The following ZDHHC17 variants were observed in gnomAD, a reference collection of about 807,000 sequenced individuals.
The protein encoded by ZDHHC17 is palmitoyltransferase ZDHHC17.
ZDHHC17 carries 40 observed loss-of-function variants against 90.3 expected under a neutral mutation model. That is an observed-to-expected ratio of 0.44 (90% CI 0.34 to 0.58). The LOEUF is 0.58. Among genes scored for constraint, ZDHHC17 ranks in the 20% least tolerant of loss-of-function variants. The pLI, the probability that ZDHHC17 is intolerant of heterozygous loss-of-function variation, is 0.01. For missense variants in ZDHHC17, 614 were observed against 780.8 expected, an observed-to-expected ratio of 0.79 and a Z score of 2.55; for synonymous variants, 235 against 252.4, an observed-to-expected ratio of 0.93 and a Z score of 0.65.
chr12:76,769,776 T>C (rs1952472696), intron 1 of ZDHHC17, among the ~76,000 whole-genome samples: 1 of 152,194 alleles, frequency 6.6e-6, no homozygotes, highest in Non-Finnish European at 1.5e-5. Context: ...AGTCAATAGA[T>C]ATAAAATTAA....
At chr12:76,813,040 T>G (rs1286781576) in intron 5 of ZDHHC17, among the ~76,000 whole-genome samples, 1 of 152,150 alleles carries the variant, frequency 6.6e-6, no homozygotes, top group East Asian at 1.9e-4. Flanking sequence ...AATTTCATTT[T>G]TCTTTTAGTA....
At chr12:76,842,433 G>A (rs1953446242) in intron 11 of ZDHHC17, among the ~76,000 whole-genome samples, 3 of 152,140 alleles carry the variant, frequency 2.0e-5, no homozygotes, top group African/African-American at 7.2e-5. Context: ...GAATGACTAT[G>A]TAAACTAGAA....
chr12:76,828,964 G>A (rs1197779783), intron 10 of ZDHHC17, among the ~76,000 whole-genome samples: 2 of 152,214 alleles, frequency 1.3e-5, no homozygotes, highest in Admixed American at 6.5e-5. Flanking sequence ...GTGGCCAAAC[G>A]TGAAAAAATG....
chr12:76,831,818 C>T (rs565157670), intron 10 of ZDHHC17, among the ~76,000 whole-genome samples: 185 of 152,124 alleles, frequency 1.2e-3, no homozygotes, highest in African/African-American at 4.2e-3. Context: ...GGCTAATTTG[C>T]GTATTTTTGT....
At chr12:76,842,270 T>G (rs968120035) in intron 11 of ZDHHC17, among the ~76,000 whole-genome samples, 164 bp downstream of exon 11, 1 of 152,218 alleles carries the variant, frequency 6.6e-6, no homozygotes, top group African/African-American at 2.4e-5. Context: ...TTGGTGCTCT[T>G]GTGATGCCTG....
rs1328539436 is a variant in ZDHHC17 at position 76,815,218 on chromosome 12, A to G, written c.608+8A>G. ...AGCATATAGAACACATAGGTATGTA[A>G]TGACTATAAAAAACTTATTTAGGCC... On this transcript the variant is annotated splice_region_variant and intron_variant, in intron 6 of 16. Transcript: ENST00000426126. 2 of 1,542,680 alleles carry G rather than the reference A, an allele frequency of 1.3e-6. No individual in the cohort carries two copies. The highest frequency in any genetic ancestry group is 2.5e-5 in the South Asian group (2 of 81,468).
intron 5 of ZDHHC17, among the ~76,000 whole-genome samples, chr12:76,813,749 T>G (rs745698792): frequency 1.3e-5 from 2 of 152,232 alleles, no homozygotes; most frequent in Middle Eastern, 6.8e-3. Context: ...TTAATATTTA[T>G]TGAATATCCA....
Position 76,764,136 on chromosome 12 carries a change from G to A in ZDHHC17, c.-101G>A. Reference sequence around the variant, plus strand: ...GGGCGTCACGGGGGCAGGAGAAGAAGGAGGAGGAGGCCCGCGTCGCCTCCG... The same window carrying A: ...GGGCGTCACGGGGGCAGGAGAAGAAAGAGGAGGAGGCCCGCGTCGCCTCCG... On this transcript the variant is annotated 5_prime_UTR_variant, in exon 1 of 17. Coordinates refer to ENST00000426126, the MANE Select transcript of ZDHHC17 (RefSeq NM_015336.4). The A allele has an allele frequency of 6.7e-6, 6 of 896,768 alleles. No homozygotes were observed. The highest frequency in any genetic ancestry group is 1.0e-5 in the Non-Finnish European group (6 of 596,470). The allele number at this position is 896,768 out of a possible 1,614,324, so 55.6% of individuals were successfully genotyped here.
intron 1 of ZDHHC17, among the ~76,000 whole-genome samples, chr12:76,783,245 A>C (rs554558252): frequency 4.4e-4 from 67 of 152,346 alleles, no homozygotes; most frequent in Non-Finnish European, 8.4e-4. Flanking sequence ...CTGTTTTCAC[A>C]CTGCTATAAA....
chr12:76,816,132 G>T, intron 7 of ZDHHC17, 113 bp downstream of exon 7: 2 of 809,172 alleles, frequency 2.5e-6, no homozygotes, highest in Non-Finnish European at 3.5e-6. Context: ...CTTCAATACA[G>T]GTTTACAGTT....
intron 2 of ZDHHC17, 71 bp from the exon 3 acceptor site, chr12:76,805,246 C>T: frequency 3.7e-6 from 5 of 1,337,980 alleles, no homozygotes; most frequent in Non-Finnish European, 3.1e-6. Context: ...TTATTTTCAT[C>T]TCAAAATGTT....
At chr12:76,833,324 T>G (rs184299662) in intron 10 of ZDHHC17, among the ~76,000 whole-genome samples, 1 of 152,242 alleles carries the variant, frequency 6.6e-6, no homozygotes, top group Non-Finnish European at 1.5e-5. Flanking sequence ...GAAGTTGTTA[T>G]GTCTTGCTCA....
chr12:76,839,338 C>T (rs977284085), intron 10 of ZDHHC17, among the ~76,000 whole-genome samples: 2 of 152,164 alleles, frequency 1.3e-5, no homozygotes, highest in African/African-American at 2.4e-5. Flanking sequence ...CAGCCTGCCT[C>T]GCCAGAATCA....
chr12:76,824,011 G>T (rs1351179666), intron 8 of ZDHHC17, among the ~76,000 whole-genome samples: 1 of 152,004 alleles, frequency 6.6e-6, no homozygotes, highest in African/African-American at 2.4e-5. Context: ...AAAATCTTGT[G>T]TTACTTTGGA....
chr12:76,837,478 G>T (rs1057271229), intron 10 of ZDHHC17, among the ~76,000 whole-genome samples: 1 of 152,104 alleles, frequency 6.6e-6, no homozygotes, highest in African/African-American at 2.4e-5. Context: ...CTGGGCAACA[G>T]AGTGAGACCT....
chr12:76,826,998 A>AT lies in ZDHHC17; in HGVS notation c.990dup (p.Lys331Ter). ...AGACCTAAATATTGATTCTTGGCTC[A>AT]TTAAAGGGCTAATGTATGGTGGTGT... On this transcript the variant is annotated frameshift_variant, in exon 9 of 17. Coordinates refer to ENST00000426126, the MANE Select transcript of ZDHHC17 (RefSeq NM_015336.4). LOFTEE classifies it high-confidence loss of function. The AT allele has an allele frequency of 6.4e-7, 1 of 1,564,566 alleles. No individual in the cohort carries two copies. Among genetic ancestry groups the AT allele is most frequent in the African/African-American group, 1.4e-5 (1 of 71,776 alleles).
chr12:76,778,363 G>A (rs2137720307), intron 1 of ZDHHC17, among the ~76,000 whole-genome samples: 1 of 152,274 alleles, frequency 6.6e-6, no homozygotes, highest in African/African-American at 2.4e-5. Flanking sequence ...GGGACTACAG[G>A]CATGCACCAC....
chr12:76,766,913 G>C (rs1470295442), intron 1 of ZDHHC17, among the ~76,000 whole-genome samples: 1 of 151,808 alleles, frequency 6.6e-6, no homozygotes, highest in Non-Finnish European at 1.5e-5. Context: ...CCAGCTAATC[G>C]GATGCTGAGG....
intron 3 of ZDHHC17, among the ~76,000 whole-genome samples, chr12:76,806,324 G>A (rs1592477764): frequency 6.6e-6 from 1 of 152,074 alleles, no homozygotes; most frequent in East Asian, 1.9e-4. Flanking sequence ...CGTTGCCCAG[G>A]CTGGAGTGTA....
Sources: allele counts gnomAD v4.1 joint callset (sites outside exome capture counted in the v4.1 genomes callset), GRCh38; gene constraint gnomAD v4.1.1; transcripts MANE v1.5; gene names NCBI Gene and HGNC (gene_info 2026-07-23, HGNC 2026-07-21).